The following CAMK2D variants were observed in gnomAD, a reference collection of about 807,000 sequenced individuals.
CAMK2D encodes calcium/calmodulin-dependent protein kinase type II subunit delta.
Under a neutral mutation model 84.0 loss-of-function variants are expected in CAMK2D, and 37 were observed. The ratio of observed to expected loss-of-function variants is 0.44; its 90% CI spans 0.34 to 0.58. The LOEUF is 0.58. CAMK2D is among the 20% of genes least tolerant of loss of function. The probability of loss-of-function intolerance (pLI) is 0.02; values close to 1 mark genes in which losing one functional copy is unlikely to be tolerated. For synonymous variants in CAMK2D, 202 were observed against 212.5 expected (o/e 0.95, Z 0.43); for missense variants, 448 against 652.5 (o/e 0.69, Z 3.41).
intron 4 of CAMK2D, among the ~76,000 whole-genome samples, chr4:113,594,753 T>C (rs143897759): frequency 1.3e-5 from 2 of 152,108 alleles, no homozygotes; most frequent in Non-Finnish European, 2.9e-5. Flanking sequence ...AGAAAAAGAC[T>C]GATAAAAAAG....
At chr4:113,580,385 T>C (rs1480710590) in intron 4 of CAMK2D, among the ~76,000 whole-genome samples, 1 of 152,234 alleles carries the variant, frequency 6.6e-6, no homozygotes, top group Admixed American at 6.5e-5. Flanking sequence ...ATATCAACCT[T>C]TTAAATATAG....
At chr4:113,668,517 G>C (rs911672579) in intron 2 of CAMK2D, among the ~76,000 whole-genome samples, 7 of 152,076 alleles carry the variant, frequency 4.6e-5, no homozygotes, top group Non-Finnish European at 7.4e-5. Flanking sequence ...CTAAAAATGT[G>C]TCCAACTTTA....
chr4:113,495,292 A>T (rs2097913339), intron 16 of CAMK2D, among the ~76,000 whole-genome samples: 1 of 152,222 alleles, frequency 6.6e-6, no homozygotes, highest in Non-Finnish European at 1.5e-5. Context: ...TGACATAATT[A>T]TCAAAAGTCC....
At chr4:113,506,493 A>C (rs1034454554) in intron 13 of CAMK2D, among the ~76,000 whole-genome samples, 3 of 152,130 alleles carry the variant, frequency 2.0e-5, no homozygotes, top group Non-Finnish European at 2.9e-5. Context: ...ATTTAACATG[A>C]TATTTGTGCA....
chr4:113,632,443 G>A (rs1322819123), intron 3 of CAMK2D, among the ~76,000 whole-genome samples: 3 of 151,820 alleles, frequency 2.0e-5, no homozygotes, highest in Admixed American at 6.6e-5. Flanking sequence ...GGCTGGTCTC[G>A]AACTCCTGAC....
intron 4 of CAMK2D, among the ~76,000 whole-genome samples, chr4:113,605,910 A>G (rs2098974964): frequency 1.3e-5 from 2 of 152,178 alleles, no homozygotes; most frequent in African/African-American, 4.8e-5. Context: ...AATGTTCAGG[A>G]TATAATCCAA....
chr4:113,526,608 C>T (rs1277053875), intron 8 of CAMK2D, among the ~76,000 whole-genome samples: 1 of 151,888 alleles, frequency 6.6e-6, no homozygotes, highest in Non-Finnish European at 1.5e-5. Flanking sequence ...AGTTCTCTCA[C>T]ATTTCACAGA....
In CAMK2D at chr4:113,452,402, A is replaced by G. The variant is rs2097263756; in HGVS notation, c.*2143T>C. 6.6e-6 allele frequency: 1 copy of G among 152,434 alleles called. No individual in the cohort carries two copies. Among genetic ancestry groups the G allele is most frequent in the Non-Finnish European group, 1.5e-5 (1 of 68,042 alleles). 9.4% of individuals were successfully genotyped at this position (152,434 alleles called of 1,614,324 possible). A position where few individuals can be genotyped will look rare whatever the true frequency, so the allele number is the denominator to read the frequency against. On this transcript the variant is annotated 3_prime_UTR_variant, in exon 21 of 21. Coordinates refer to ENST00000511664, the MANE Select transcript of CAMK2D (RefSeq NM_001321571.2). ...TACAGTACCTCTTCTGAAGAAATAAAGATGGACGCACTGTCAGCAGAAATC... is the reference window on the plus strand; with the variant it reads ...TACAGTACCTCTTCTGAAGAAATAAGGATGGACGCACTGTCAGCAGAAATC...
intron 4 of CAMK2D, among the ~76,000 whole-genome samples, chr4:113,594,337 A>G (rs2098913299): frequency 1.3e-5 from 2 of 152,312 alleles, no homozygotes; most frequent in African/African-American, 2.4e-5. Flanking sequence ...GATCCAAACC[A>G]TATCACCTAG....
At chr4:113,746,154 C>A (rs2099603663) in intron 2 of CAMK2D, among the ~76,000 whole-genome samples, 6 of 152,184 alleles carry the variant, frequency 3.9e-5, no homozygotes, top group Admixed American at 3.9e-4. Context: ...AAATTATTTG[C>A]ATTCAGGGTG....
chr4:113,587,431 C>T (rs1397059735), intron 4 of CAMK2D, among the ~76,000 whole-genome samples: 3 of 152,160 alleles, frequency 2.0e-5, no homozygotes, highest in Non-Finnish European at 4.4e-5. Flanking sequence ...GTCTTATTCA[C>T]ATAGTTAGGT....
chr4:113,508,704 T>A (rs188304099), intron 13 of CAMK2D, among the ~76,000 whole-genome samples: 1 of 152,200 alleles, frequency 6.6e-6, no homozygotes, highest in African/African-American at 2.4e-5. Context: ...CTCCAGAAAT[T>A]TCCAAGTTGC....
At chr4:113,728,867 C>A (rs2099553983) in intron 2 of CAMK2D, among the ~76,000 whole-genome samples, 1 of 152,062 alleles carries the variant, frequency 6.6e-6, no homozygotes. Flanking sequence ...GCTTAGAAAA[C>A]CTTCACTATT....
In CAMK2D at chr4:113,562,885, CTCTT is replaced by C. The variant is rs536117647; in HGVS notation, c.276-10793_276-10790del. Among the ~76,000 whole-genome samples the C allele has an allele frequency of 3.3e-5, 5 of 152,278 alleles. No individual in the cohort carries two copies. The South Asian group carries it at 8.3e-4, about 25-fold the overall frequency. On this transcript the variant is annotated intron_variant, in intron 4 of 20. Coordinates refer to ENST00000511664, the MANE Select transcript of CAMK2D (RefSeq NM_001321571.2). The stretch of plus-strand genomic sequence containing the variant: ...TAATGAATGCCTGCAAAATTACAAA[CTCTT>C]TATTCACACTTAGTAGTAGCTTTGT...
At chr4:113,663,898 A>C (rs2099247398) in intron 2 of CAMK2D, among the ~76,000 whole-genome samples, 1 of 152,116 alleles carries the variant, frequency 6.6e-6, no homozygotes, top group Admixed American at 6.5e-5. Context: ...AAGCCATCCT[A>C]ATCTCCAGTT....
chr4:113,665,965 A>G (rs2099255755), intron 2 of CAMK2D, among the ~76,000 whole-genome samples: 1 of 152,242 alleles, frequency 6.6e-6, no homozygotes. Context: ...AAATGTTGTT[A>G]TAACATTGCT....
chr4:113,759,768 A>T (rs2149174652), intron 1 of CAMK2D, among the ~76,000 whole-genome samples: 1 of 152,332 alleles, frequency 6.6e-6, no homozygotes, highest in East Asian at 1.9e-4. Flanking sequence ...GCAGCAAAAA[A>T]ATCTGCTGCC....
chr4:113,601,572 G>A (rs1409145431), intron 4 of CAMK2D, among the ~76,000 whole-genome samples: 2 of 146,944 alleles, frequency 1.4e-5, no homozygotes, highest in Middle Eastern at 3.4e-3. Context: ...CAGATGTTTT[G>A]ATTCAAACAA....
chr4:113,704,898 G>C (rs1278061137), intron 2 of CAMK2D, among the ~76,000 whole-genome samples: 1 of 151,354 alleles, frequency 6.6e-6, no homozygotes, highest in East Asian at 2.0e-4. Flanking sequence ...AGTAAGAATT[G>C]TCAAAAGTTA....
Sources: gnomAD v4.1 joint callset for allele counts (sites outside exome capture counted in the v4.1 genomes callset) on GRCh38, gnomAD v4.1.1 for gene constraint, MANE v1.5 for transcripts, NCBI Gene and HGNC (gene_info 2026-07-23, HGNC 2026-07-21) for gene names.